Variants in LMX1A observed in about 807,000 individuals in gnomAD.
LMX1A encodes LIM homeobox transcription factor 1 alpha, also known as LIM homeobox transcription factor 1-alpha.
A neutral mutation model predicts 49.1 loss-of-function variants in LMX1A; 15 were observed. The ratio of observed to expected loss-of-function variants is 0.31; its 90% CI spans 0.20 to 0.47. LMX1A has a LOEUF of 0.47. Ranked by LOEUF, LMX1A falls within the 20% of genes least tolerant of loss-of-function variation. The pLI is 1.00. For synonymous variants in LMX1A, 167 were observed against 185.7 expected (o/e 0.90, Z 0.82); for missense variants, 372 against 475.8 (o/e 0.78, Z 2.03).
At chr1:165,351,200 C>T (rs546075677) in intron 3 of LMX1A, among the ~76,000 whole-genome samples, 6 of 152,026 alleles carry the variant, frequency 3.9e-5, no homozygotes, top group Admixed American at 6.5e-5. Flanking sequence ...TAGAAATTCA[C>T]AACCCAAATC....
chr1:165,252,635 G>A (rs1388633891), intron 3 of LMX1A, among the ~76,000 whole-genome samples: 1 of 152,206 alleles, frequency 6.6e-6, no homozygotes, highest in East Asian at 1.9e-4. Flanking sequence ...TGACAGAGAA[G>A]TCAGTAGATA....
intron 3 of LMX1A, among the ~76,000 whole-genome samples, chr1:165,296,511 G>A (rs1319201542): frequency 5.9e-5 from 9 of 152,272 alleles, no homozygotes; most frequent in Non-Finnish European, 2.9e-5. Context: ...CTCTTAGAAA[G>A]TCAGTTCAGG....
At chr1:165,353,406 G>T in intron 2 of LMX1A, 144 bp from the exon 3 acceptor site, 1 of 638,042 alleles carries the variant, frequency 1.6e-6, no homozygotes, top group Non-Finnish European at 2.7e-6. Context: ...AATCAACCAA[G>T]CTGAAACCTG....
chr1:165,316,719 C>T (rs1489229680), intron 3 of LMX1A, among the ~76,000 whole-genome samples: 2 of 152,150 alleles, frequency 1.3e-5, no homozygotes, highest in African/African-American at 4.8e-5. Context: ...GAGTTACACA[C>T]AGGAGGCTGG....
At chr1:165,262,447 C>T (rs1236105781) in intron 3 of LMX1A, among the ~76,000 whole-genome samples, 4 of 152,214 alleles carry the variant, frequency 2.6e-5, no homozygotes, top group African/African-American at 9.6e-5. Context: ...GTTACACCTT[C>T]CTTGGACTTC....
At chr1:165,341,498 G>A (rs116739461) in intron 3 of LMX1A, among the ~76,000 whole-genome samples, 5,943 of 152,068 alleles carry the variant, frequency 0.039, 155 homozygotes, top group Non-Finnish European at 0.06. Context: ...GCAAGATTAT[G>A]GAGATGTAGG....
At chr1:165,352,926 G>C (rs1234601737) in intron 3 of LMX1A, 150 bp downstream of exon 3, 3 of 811,110 alleles carry the variant, frequency 3.7e-6, no homozygotes, top group East Asian at 5.1e-5. Context: ...CCCGTGAGGG[G>C]CAATGTACAC....
At chr1:165,283,733 A>G (rs61800559) in intron 3 of LMX1A, among the ~76,000 whole-genome samples, 18,530 of 152,258 alleles carry the variant, frequency 0.12, 1,168 homozygotes, top group East Asian at 0.18. Flanking sequence ...TGGCTAAAAC[A>G]CAGCCTGGCA....
intron 4 of LMX1A, among the ~76,000 whole-genome samples, chr1:165,214,063 G>T (rs975712382): frequency 6.6e-6 from 1 of 152,124 alleles, no homozygotes; most frequent in East Asian, 1.9e-4. Context: ...TCCTGGCTCC[G>T]CATTTACTAG....
chr1:165,261,402 G>A (rs1653434949), intron 3 of LMX1A, among the ~76,000 whole-genome samples: 1 of 152,152 alleles, frequency 6.6e-6, no homozygotes, highest in Admixed American at 6.6e-5. Flanking sequence ...ACAGGTGTTG[G>A]ATGTAGAGAA....
At chr1:165,354,807 G>A (rs903743688) in intron 2 of LMX1A, among the ~76,000 whole-genome samples, 5 of 152,250 alleles carry the variant, frequency 3.3e-5, no homozygotes, top group Non-Finnish European at 7.3e-5. Flanking sequence ...GGGTGGGGGA[G>A]CCGTAACCAG....
chr1:165,333,474 C>A (rs1256509441), intron 3 of LMX1A, among the ~76,000 whole-genome samples: 1 of 152,102 alleles, frequency 6.6e-6, no homozygotes, highest in Non-Finnish European at 1.5e-5. Context: ...TTCTTCTCAA[C>A]ATTTGCTTTT....
At position 165,355,474 on chromosome 1, in the gene LMX1A, G is replaced by C; in HGVS notation, c.76+10C>G. On this transcript the variant is annotated intron_variant, in intron 2 of 8. Coordinates refer to ENST00000342310, the MANE Select transcript of LMX1A (RefSeq NM_177398.4). This position sits in a 1 kb window ranked among gnomAD's most constrained non-coding sequence, Gnocchi z 4.7. ...AGAGTGCGCCCAGGACGCACGGCCT[G>C]AACACTCACCCAGCAGCGAGGAGAA... The C allele has an allele frequency of 6.2e-7, 1 of 1,613,588 alleles. No homozygotes were observed. The highest frequency in any genetic ancestry group is 8.5e-7 in the Non-Finnish European group (1 of 1,179,732).
chr1:165,289,254 A>G (rs369695985), intron 3 of LMX1A, among the ~76,000 whole-genome samples: 47 of 134,492 alleles, frequency 3.5e-4, no homozygotes, highest in East Asian at 5.9e-4. Flanking sequence ...AAAAAAAAAA[A>G]AGAGAGAGAG....
chr1:165,243,201 A>C (rs1000399881), intron 4 of LMX1A, among the ~76,000 whole-genome samples: 2 of 152,192 alleles, frequency 1.3e-5, no homozygotes, highest in African/African-American at 4.8e-5. Context: ...AAATTTAAAA[A>C]ACATTTTTAT....
chr1:165,233,224 G>A (rs1652299805), intron 4 of LMX1A, among the ~76,000 whole-genome samples: 1 of 152,236 alleles, frequency 6.6e-6, no homozygotes, highest in Admixed American at 6.5e-5. Context: ...GAAGGCTAAG[G>A]TGAGTGGATT....
intron 3 of LMX1A, among the ~76,000 whole-genome samples, chr1:165,316,929 C>T (rs1655247523): frequency 6.6e-6 from 1 of 152,114 alleles, no homozygotes; most frequent in Non-Finnish European, 1.5e-5. Flanking sequence ...ATTTTCTGAT[C>T]AGGATCCAGT....
intron 4 of LMX1A, among the ~76,000 whole-genome samples, chr1:165,242,491 C>A (rs1652690592): frequency 6.6e-6 from 1 of 150,586 alleles, no homozygotes; most frequent in Non-Finnish European, 1.5e-5. Context: ...CATTTGGATC[C>A]CATGATAAAA....
intron 4 of LMX1A, among the ~76,000 whole-genome samples, chr1:165,218,203 C>T (rs556438418): frequency 1.3e-5 from 2 of 152,350 alleles, no homozygotes; most frequent in South Asian, 4.1e-4. Flanking sequence ...TCCTGTGTCC[C>T]GTTCTTCCAG....
Sources: allele counts gnomAD v4.1 joint callset (sites outside exome capture counted in the v4.1 genomes callset), GRCh38; gene constraint gnomAD v4.1.1; non-coding constraint Gnocchi (gnomAD v3.1); transcripts MANE v1.5; gene names NCBI Gene and HGNC (gene_info 2026-07-23, HGNC 2026-07-21).